SESTD1: variants seen among roughly 807,000 people sequenced by gnomAD.
SESTD1 encodes the protein SEC14 domain and spectrin repeat-containing protein 1.
In SESTD1, 43 loss-of-function variants were observed where a neutral mutation model predicts 101.7. The observed-to-expected ratio is 0.42, with a 90% CI of 0.33 to 0.55. SESTD1 has a LOEUF of 0.55. Ranked by LOEUF, SESTD1 falls within the 20% of genes least tolerant of loss-of-function variation. SESTD1 has a pLI of 0.07. For synonymous variants in SESTD1, 283 were observed against 286.8 expected (o/e 0.99, Z 0.13); for missense variants, 647 against 815.1 (o/e 0.79, Z 2.51).
chr2:179,134,525 G>A (rs916802876), intron 9 of SESTD1, among the ~76,000 whole-genome samples: 6 of 152,046 alleles, frequency 3.9e-5, no homozygotes, highest in African/African-American at 7.2e-5. Context: ...CTCTATTGTC[G>A]GGAACATAGG....
chr2:179,234,536 G>A (rs2105541325), intron 1 of SESTD1, among the ~76,000 whole-genome samples: 1 of 152,306 alleles, frequency 6.6e-6, no homozygotes, highest in East Asian at 1.9e-4. Flanking sequence ...CCAGCACTTT[G>A]TGGGGCTGAG....
At chr2:179,138,865 T>C (rs1206731413) in intron 9 of SESTD1, among the ~76,000 whole-genome samples, 3 of 63,374 alleles carry the variant, frequency 4.7e-5, no homozygotes, top group Non-Finnish European at 8.4e-5. Context: ...ACTGAAACCC[T>C]GTCTCAAAAA....
chr2:179,183,667 A>G (rs1258200719), intron 2 of SESTD1, among the ~76,000 whole-genome samples: 2 of 152,104 alleles, frequency 1.3e-5, no homozygotes, highest in African/African-American at 2.4e-5. Flanking sequence ...GTTTCACTGA[A>G]AAGTTAAGAC....
At chr2:179,181,666 CAG>C (rs945382687) in intron 3 of SESTD1, among the ~76,000 whole-genome samples, 8 of 152,098 alleles carry the variant, frequency 5.3e-5, no homozygotes, top group Non-Finnish European at 1.5e-5. Flanking sequence ...ACCATAACCT[CAG>C]AGTTTCAATT....
chr2:179,232,452 T>A (rs2047001418), intron 1 of SESTD1, among the ~76,000 whole-genome samples: 1 of 151,864 alleles, frequency 6.6e-6, no homozygotes, highest in African/African-American at 2.4e-5. Flanking sequence ...TTTTTTTAAG[T>A]AAATGAACAA....
At chr2:179,258,852 T>C (rs2047438733) in intron 1 of SESTD1, among the ~76,000 whole-genome samples, 1 of 152,232 alleles carries the variant, frequency 6.6e-6, no homozygotes, top group Non-Finnish European at 1.5e-5. Context: ...ATTACTACTC[T>C]TAAGCACTGG....
chr2:179,140,686 T>C (rs539185805), intron 9 of SESTD1, among the ~76,000 whole-genome samples: 7 of 152,348 alleles, frequency 4.6e-5, no homozygotes, highest in African/African-American at 1.7e-4. Flanking sequence ...TACTCATTGC[T>C]TCCTTCACCA....
At chr2:179,176,229 TACAA>T (rs1349270901) in intron 4 of SESTD1, among the ~76,000 whole-genome samples, 1 of 152,202 alleles carries the variant, frequency 6.6e-6, no homozygotes, top group Admixed American at 6.5e-5. Flanking sequence ...TATTTTCATT[TACAA>T]ACCTATTAGA....
intron 1 of SESTD1, among the ~76,000 whole-genome samples, chr2:179,261,799 T>C (rs778518758): frequency 6.6e-6 from 1 of 152,100 alleles, no homozygotes; most frequent in African/African-American, 2.4e-5. Flanking sequence ...GCAGCAGCTA[T>C]GGAAAACAGT....
chr2:179,169,324 G>C (rs1051766552), intron 5 of SESTD1, among the ~76,000 whole-genome samples: 1 of 152,006 alleles, frequency 6.6e-6, no homozygotes, highest in Non-Finnish European at 1.5e-5. Context: ...GTACATTTCA[G>C]AGCCAGATAT....
intron 10 of SESTD1, among the ~76,000 whole-genome samples, chr2:179,126,910 A>G (rs1486642003): frequency 6.6e-6 from 1 of 152,000 alleles, no homozygotes; most frequent in Non-Finnish European, 1.5e-5. Context: ...ATCAATTCTC[A>G]TTACTTCTAA....
intron 5 of SESTD1, among the ~76,000 whole-genome samples, chr2:179,157,680 T>C (rs1397589308): frequency 6.6e-6 from 1 of 152,156 alleles, no homozygotes; most frequent in Admixed American, 6.5e-5. Context: ...CAGACAGATG[T>C]CCCTTATATT....
chr2:179,112,914 C>A, intron 16 of SESTD1, 69 bp from the exon 17 acceptor site: 1 of 1,491,576 alleles, frequency 6.7e-7, no homozygotes, highest in Non-Finnish European at 8.9e-7. Flanking sequence ...AGGATCACCC[C>A]ACCCCACAAA....
intron 6 of SESTD1, 109 bp downstream of exon 6, chr2:179,151,169 T>C: frequency 1.4e-6 from 1 of 711,118 alleles, no homozygotes; most frequent in Admixed American, 4.0e-5. Context: ...ATTTCTCCAT[T>C]TTTGTAAAAA....
intron 5 of SESTD1, among the ~76,000 whole-genome samples, chr2:179,157,053 T>A (rs1194208571): frequency 6.6e-6 from 1 of 152,186 alleles, no homozygotes; most frequent in Non-Finnish European, 1.5e-5. Context: ...TAGCCAATTA[T>A]CCCAGCACCA....
rs2044326377 is a variant in SESTD1, at chr2:179,103,938, T to C, written c.*5961A>G. 6.6e-6 allele frequency: 1 copy of C among 152,148 alleles called. No individual in the cohort carries two copies. Among genetic ancestry groups the C allele is most frequent in the Non-Finnish European group, 1.5e-5 (1 of 68,010 alleles). The allele number at this position is 152,148 out of a possible 1,614,324, so 9.4% of individuals were successfully genotyped here. ...GATATGCAATTTAAAATGCATCAAA[T>C]AATAATATGAAATGATGAATGGATA... is the stretch of plus-strand genomic sequence containing the variant. On this transcript the variant is annotated 3_prime_UTR_variant, in exon 18 of 18. Transcript: ENST00000428443.
intron 9 of SESTD1, among the ~76,000 whole-genome samples, chr2:179,138,699 T>C (rs2045210100): frequency 6.6e-6 from 1 of 151,826 alleles, no homozygotes; most frequent in Non-Finnish European, 1.5e-5. Flanking sequence ...ACCCCATTTC[T>C]ACATAAAATA....
chr2:179,140,480 C>CT (rs1354946568), intron 9 of SESTD1, among the ~76,000 whole-genome samples: 1 of 152,130 alleles, frequency 6.6e-6, no homozygotes, highest in Non-Finnish European at 1.5e-5. Context: ...AGAGCATTCC[C>CT]TCACGGCCCT....
In SESTD1 at chr2:179,107,203, G is replaced by C. The variant is rs1448362837; in HGVS notation, c.*2696C>G. ...TTAAGTGAGCTTTGACCCTATGGAA[G>C]AAAGTTGCTTTAGGGCATTACTGGA... On this transcript the variant is annotated 3_prime_UTR_variant, in exon 18 of 18. Transcript: ENST00000428443. 1 of 152,142 alleles carries C rather than the reference G, an allele frequency of 6.6e-6. No homozygotes were observed. Among genetic ancestry groups the C allele is most frequent in the African/African-American group, 2.4e-5 (1 of 41,436 alleles). The allele number at this position is 152,142 out of a possible 1,614,324, so 9.4% of individuals were successfully genotyped here. A position where few individuals can be genotyped will look rare whatever the true frequency, so the allele number is the denominator to read the frequency against.
Sources: gnomAD v4.1 joint callset for allele counts (sites outside exome capture counted in the v4.1 genomes callset) on GRCh38, gnomAD v4.1.1 for gene constraint, MANE v1.5 for transcripts, NCBI Gene and HGNC (gene_info 2026-07-23, HGNC 2026-07-21) for gene names.